ZNF3: variants seen among roughly 807,000 people sequenced by gnomAD.
The protein encoded by ZNF3 is zinc finger protein 3, also known as C2-H2 type zinc finger protein.
ZNF3 carries 16 observed loss-of-function variants against 36.9 expected under a neutral mutation model. The observed-to-expected ratio is 0.43, with a 90% CI of 0.29 to 0.66. The LOEUF is 0.66. Ranked by LOEUF, ZNF3 falls within the 30% of genes least tolerant of loss-of-function variation. The pLI is 0.13. For missense variants in ZNF3, 462 were observed against 543.1 expected (o/e 0.85, Z 1.48); for synonymous variants, 201 against 201.9 (o/e 1.00, Z 0.04).
At chr7:100,069,969 A>G, downstream of ZNF3, 3 of 985,850 alleles carry the variant, frequency 3.0e-6, no homozygotes, top group Non-Finnish European at 3.6e-6. Flanking sequence ...AACCACACTC[A>G]ATCTCTTCTG....
rs1793051509 is a variant in ZNF3, at chr7:100,071,076, G to A, written c.*67C>T. On this transcript the variant is annotated 3_prime_UTR_variant, in exon 6 of 6. Coordinates refer to ENST00000299667, the MANE Select transcript of ZNF3 (RefSeq NM_032924.5). Reference sequence around the variant, plus strand: ...AAAGGGACACATCCTAAGCTGTTGAGATTTATAGGGTAAGGCAAGAGCTCT... The same window carrying A: ...AAAGGGACACATCCTAAGCTGTTGAAATTTATAGGGTAAGGCAAGAGCTCT... 11 of 1,520,802 alleles carry A rather than the reference G, an allele frequency of 7.2e-6. No individual in the cohort carries two copies. The East Asian group carries it at 2.3e-4, about 31-fold the overall frequency. 94.2% of individuals were successfully genotyped at this position (1,520,802 alleles called of 1,614,324 possible).
Position 100,071,634 on chromosome 7 carries a change from A to G in ZNF3, c.850T>C (p.Tyr284His). 1 of 1,613,976 alleles carries G rather than the reference A, an allele frequency of 6.2e-7. No homozygotes were observed. The highest frequency in any genetic ancestry group is 1.1e-5 in the South Asian group (1 of 91,082). Residue 284 changes from tyrosine to histidine, a missense_variant, in exon 6 of 6, where the codon TAT becomes CAT. Coordinates refer to ENST00000299667, the MANE Select transcript of ZNF3 (RefSeq NM_032924.5). ...HRRIHTGEKP[Y>H]ECNECGKTFS... Reference sequence around the variant, plus strand: ...GTCTTCCCACACTCATTACATTCATAGGGTTTCTCCCCCGTGTGGATCCTC... The same window carrying G: ...GTCTTCCCACACTCATTACATTCATGGGGTTTCTCCCCCGTGTGGATCCTC...
Position 100,072,122 on chromosome 7 carries a change from G to A in ZNF3, c.362C>T (p.Ser121Phe), listed in dbSNP as rs781224215. 6.2e-7 allele frequency: 1 copy of A among 1,613,976 alleles called. No individual in the cohort carries two copies. Among genetic ancestry groups the A allele is most frequent in the Non-Finnish European group, 8.5e-7 (1 of 1,179,988 alleles). ...VLLGRFQKDI[S>F]QGLKFKEAYE... ...GGCTTCTTTAAACTTGAGACCCTGA[G>A]AAATATCCTTTTGAAATCTTCCCAG... The change falls in exon 6 of 6, where the codon TCT (serine) becomes TTT (phenylalanine). Residue 121 changes from serine (S) to phenylalanine (F), a missense_variant. Physicochemically the swap from Ser to Phe is radical, Grantham distance 155 (BLOSUM62 -2). Coordinates refer to ENST00000299667, the MANE Select transcript of ZNF3 (RefSeq NM_032924.5).
At chr7:100,068,793 G>A (rs1792774758), downstream of ZNF3, among the ~76,000 whole-genome samples, 1 of 151,942 alleles carries the variant, frequency 6.6e-6, no homozygotes, top group African/African-American at 2.4e-5. Context: ...GAGTAGCTGG[G>A]ACCACAAGTG....
At position 100,070,574 on chromosome 7, in the gene ZNF3, C is replaced by T. The variant is rs1792972148; in HGVS notation, c.*569G>A. 1.0e-6 allele frequency: 1 copy of T among 986,416 alleles called. No homozygotes were observed. Among genetic ancestry groups the T allele is most frequent in the Admixed American group, 6.1e-5 (1 of 16,472 alleles). 61.1% of individuals were successfully genotyped at this position (986,416 alleles called of 1,614,324 possible). A position where few individuals can be genotyped will look rare whatever the true frequency, so the allele number is the denominator to read the frequency against. On this transcript the variant is annotated 3_prime_UTR_variant, in exon 6 of 6. Coordinates refer to ENST00000299667, the MANE Select transcript of ZNF3 (RefSeq NM_032924.5). ...CTCCAAGAGCCCTAAAGGACACCAT[C>T]ATCACAGATGATGATTCTGGAATCT... is the stretch of plus-strand genomic sequence containing the variant.
In ZNF3 at chr7:100,071,258, G is replaced by A. The variant is rs774699596; in HGVS notation, c.1226C>T (p.Ser409Leu). ...SECGKAFRYS[S>L]ALVRHQRIHT... is the part of the protein sequence containing the mutation. ...AATTCTCTGATGGCGAACAAGAGCCGAGCTGTACCTGAAGGCTTTCCCACA... is the reference window on the plus strand; with the variant it reads ...AATTCTCTGATGGCGAACAAGAGCCAAGCTGTACCTGAAGGCTTTCCCACA... The change falls in exon 6 of 6, where the codon TCG (serine) becomes TTG (leucine). Residue 409 changes from serine (S) to leucine (L), a missense_variant. Ser to Leu is a moderately radical substitution (Grantham distance 145). Transcript: ENST00000299667. 5.0e-6 allele frequency: 8 copies of A among 1,614,108 alleles called. No homozygotes were observed. The highest frequency in any genetic ancestry group is 2.2e-5 in the East Asian group (1 of 44,898).
rs11550034 is a variant in ZNF3, at chr7:100,072,179, A to G, written c.305T>C (p.Ile102Thr). The G allele has an allele frequency of 0.14, 216,405 of 1,595,574 alleles. 15,647 individuals carry two copies. The highest frequency in any genetic ancestry group is 0.18 in the Admixed American group (9,706 of 54,374). The change falls in exon 6 of 6, where the codon ATT (isoleucine) becomes ACT (threonine). Residue 102 changes from isoleucine to threonine, a missense_variant. Coordinates refer to ENST00000299667, the MANE Select transcript of ZNF3 (RefSeq NM_032924.5). ...CCCATGTGATCTTGTGTCTTCAGAA[A>G]TTTCTTGATCATTTTCAGTCCTGGT... ...RETRTENDQEISEDTRSHGVL... is the reference protein window; with the variant it reads ...RETRTENDQETSEDTRSHGVL...
Position 100,075,247 on chromosome 7 carries a change from A to C in ZNF3, c.159T>G (p.Phe53Leu), listed in dbSNP as rs1444676163. Residue 53 changes from phenylalanine (F) to leucine (L), a missense_variant, in exon 5 of 6, where the codon TTT becomes TTG. Coordinates refer to ENST00000299667, the MANE Select transcript of ZNF3 (RefSeq NM_032924.5). Reference protein sequence around the residue: ...LKAKSQELVTFEDVAVYFIRK... With the variant: ...LKAKSQELVTLEDVAVYFIRK... ...GGATGAAGTACACAGCTACATCCTC[A>C]AAGGTTACCAGCTCCTGAAACAACA... 3 of 1,614,054 alleles carry C rather than the reference A, an allele frequency of 1.9e-6. No individual in the cohort carries two copies. The highest frequency in any genetic ancestry group is 2.5e-6 in the Non-Finnish European group (3 of 1,180,030).
chr7:100,070,997 A>G lies in ZNF3; in HGVS notation c.*146T>C. 2 of 1,457,240 alleles carry G rather than the reference A, an allele frequency of 1.4e-6. No individual in the cohort carries two copies. Among genetic ancestry groups the G allele is most frequent in the East Asian group, 2.4e-5 (1 of 42,474 alleles). 90.3% of individuals were successfully genotyped at this position (1,457,240 alleles called of 1,614,324 possible). The stretch of plus-strand genomic sequence containing the variant: ...CTAAGGCTGGTGTGATTTCTGGGAA[A>G]ATTCAACGATTTGCCCCATCTGCCC... On this transcript the variant is annotated 3_prime_UTR_variant, in exon 6 of 6. Coordinates refer to ENST00000299667, the MANE Select transcript of ZNF3 (RefSeq NM_032924.5).
Position 100,079,584 on chromosome 7 carries a change from A to C in ZNF3, c.-125T>G, listed in dbSNP as rs1794674459. ...TTTGAAGTCAGTCCCTAGAAGGCCA[A>C]AGGAGCAATTACTGGGAATTTAGCA... On this transcript the variant is annotated 5_prime_UTR_variant, in exon 2 of 6. Transcript: ENST00000299667. 6.6e-6 allele frequency: 1 copy of C among 152,244 alleles called. No individual in the cohort carries two copies. Among genetic ancestry groups the C allele is most frequent in the South Asian group, 2.1e-4 (1 of 4,832 alleles). The allele number at this position is 152,244 out of a possible 1,614,324, so 9.4% of individuals were successfully genotyped here.
chr7:100,068,433 G>A (rs780543353), downstream of ZNF3, among the ~76,000 whole-genome samples: 35 of 151,734 alleles, frequency 2.3e-4, no homozygotes, highest in Non-Finnish European at 3.8e-4. Flanking sequence ...CAGCACTTTC[G>A]GAGGCCGAGG....
intron 5 of ZNF3, 60 bp downstream of exon 5, chr7:100,075,075 T>C (rs1017937133): frequency 6.5e-7 from 1 of 1,535,830 alleles, no homozygotes. Context: ...AGATTGTTAC[T>C]AGCAAACGAA....
At chr7:100,074,803 A>G (rs1793794080) in intron 5 of ZNF3, among the ~76,000 whole-genome samples, 2 of 151,964 alleles carry the variant, frequency 1.3e-5, no homozygotes, top group Non-Finnish European at 2.9e-5. Flanking sequence ...GGAGGCCAAG[A>G]CGGGTGGATC....
intron 1 of ZNF3, among the ~76,000 whole-genome samples, chr7:100,080,515 GAAA>G (rs200294969): frequency 7.8e-6 from 1 of 129,020 alleles, no homozygotes; most frequent in African/African-American, 2.9e-5. Context: ...ATTTTAAAAG[GAAA>G]AAAAAAAAAA....
intron 3 of ZNF3, 74 bp from the exon 4 acceptor site, chr7:100,075,704 C>T: frequency 6.9e-7 from 1 of 1,452,924 alleles, no homozygotes; most frequent in Non-Finnish European, 9.6e-7. Flanking sequence ...CTTCCCAACC[C>T]ACAGAAAGCT....
rs1792963741 is a variant in ZNF3 at position 100,070,502 on chromosome 7, TC to T, written c.*640del. ...GACAACTGGGGGGGATGGCAGGGGG[TC>T]TGCTGGCAATATCACCAGGTTTCTC... On this transcript the variant is annotated 3_prime_UTR_variant, in exon 6 of 6. Coordinates refer to ENST00000299667, the MANE Select transcript of ZNF3 (RefSeq NM_032924.5). 1 of 985,270 alleles carries T rather than the reference TC, an allele frequency of 1.0e-6. No individual in the cohort carries two copies. The allele number at this position is 985,270 out of a possible 1,614,324, so 61.0% of individuals were successfully genotyped here.
At chr7:100,080,156 C>T (rs1794761010) in intron 1 of ZNF3, among the ~76,000 whole-genome samples, 1 of 152,218 alleles carries the variant, frequency 6.6e-6, no homozygotes, top group African/African-American at 2.4e-5. Flanking sequence ...CTCAGGTCCA[C>T]CTCCACCCAG....
chr7:100,067,589 A>G (rs571056200), downstream of ZNF3, among the ~76,000 whole-genome samples: 9 of 152,080 alleles, frequency 5.9e-5, no homozygotes, highest in African/African-American at 2.2e-4. Context: ...TTTTGTAGAG[A>G]CTGGGTCTCA....
At chr7:100,075,342 G>A in intron 4 of ZNF3, 81 bp from the exon 5 acceptor site, 2 of 1,610,062 alleles carry the variant, frequency 1.2e-6, no homozygotes, top group African/African-American at 1.3e-5. Flanking sequence ...AGGATGGGGT[G>A]AAAAATGCAC....
Sources: allele counts gnomAD v4.1 joint callset (sites outside exome capture counted in the v4.1 genomes callset), GRCh38; gene constraint gnomAD v4.1.1; transcripts MANE v1.5; gene names NCBI Gene and HGNC (gene_info 2026-07-23, HGNC 2026-07-21).